CNTROB: variants seen among roughly 807,000 people sequenced by gnomAD.
The protein encoded by CNTROB is centrobin, centriole duplication and spindle assembly protein.
In CNTROB, 82 loss-of-function variants were observed where a neutral mutation model predicts 115.7. That is an observed-to-expected ratio of 0.71 (90% confidence interval 0.59 to 0.85). The LOEUF (loss-of-function observed/expected upper bound fraction) is 0.85, where lower values mean the gene tolerates loss of function less well. Ranked by LOEUF, CNTROB falls within the 40% of genes least tolerant of loss-of-function variation. The pLI is 0.00. For missense variants in CNTROB, 1,014 were observed against 1,144.4 expected (o/e 0.89, Z 1.64); for synonymous variants, 439 against 456.4 (o/e 0.96, Z 0.49).
intron 13 of CNTROB, among the ~76,000 whole-genome samples, chr17:7,946,882 A>T (rs535951693): frequency 6.6e-6 from 1 of 151,820 alleles, no homozygotes; most frequent in Non-Finnish European, 1.5e-5. Context: ...AAAAAAAAAA[A>T]AGAGATTACA....
Position 7,933,033 on chromosome 17 carries a change from G to A in CNTROB, c.-47G>A. 6.3e-7 allele frequency: 1 copy of A among 1,586,786 alleles called. No individual in the cohort carries two copies. On this transcript the variant is annotated 5_prime_UTR_variant, in exon 1 of 19. Transcript: ENST00000563694. ...TTTCCTCCTGGACTTTGCTAAAGCA[G>A]AACCTCCCAGCTCTTTGCTGTCTCC...
At chr17:7,938,766 G>A (rs1419893673) in intron 7 of CNTROB, among the ~76,000 whole-genome samples, 4 of 152,050 alleles carry the variant, frequency 2.6e-5, no homozygotes, top group Non-Finnish European at 5.9e-5. Context: ...ATAATCCTAT[G>A]AGCTTGTCAA....
At position 7,949,492 on chromosome 17, in the gene CNTROB, G is replaced by T. The variant is rs185320189; in HGVS notation, c.2694G>T (p.Arg898=). ...CTGCCCCGAGTAGCATGAGGAGCCG[G>T]GGGGGAGTCTGGAGATGAGCCCCCC... The part of the protein sequence containing the change: ...GHPAPSSMRS[R]GGVWR The change falls in exon 19 of 19, where the codon CGG becomes CGT. Residue 898 remains arginine (R), a synonymous_variant. Transcript: ENST00000563694. The T allele has an allele frequency of 6.8e-5, 110 of 1,613,590 alleles. 2 individuals are homozygous for T. The East Asian group carries it at 2.1e-3, about 31-fold the overall frequency.
intron 9 of CNTROB, among the ~76,000 whole-genome samples, chr17:7,940,937 G>A (rs980017888): frequency 1.3e-5 from 2 of 152,188 alleles, no homozygotes; most frequent in Non-Finnish European, 2.9e-5. Context: ...TTATACCACA[G>A]AAGTAGCTAT....
chr17:7,936,577 C>G, intron 5 of CNTROB, 95 bp downstream of exon 5: 2 of 793,770 alleles, frequency 2.5e-6, no homozygotes, highest in Non-Finnish European at 4.6e-6. Flanking sequence ...TTGGTACATG[C>G]TGAGAGCTGG....
rs758725792 is a variant in CNTROB, at chr17:7,947,681, C to T, written c.2104C>T (p.Pro702Ser). 3.1e-6 allele frequency: 5 copies of T among 1,613,574 alleles called. No homozygotes were observed. The highest frequency in any genetic ancestry group is 1.7e-4 in the Middle Eastern group (1 of 6,060). Residue 702 changes from proline to serine, a missense_variant, in exon 14 of 19, where the codon CCG (proline) becomes TCG (serine). By Grantham distance (74) the Pro-to-Ser change is moderately conservative. Coordinates refer to ENST00000563694, the MANE Select transcript of CNTROB (RefSeq NM_053051.5). ...GGAGGGCCTCCTAAAGCAAGGGCTG[C>T]CGCCTGCTCAGCTGGAGGGCCTCAA... ...DGEGLLKQGL[P>S]PAQLEGLKNF... is the part of the protein sequence containing the mutation.
rs754756098 is a variant in CNTROB at position 7,944,597 on chromosome 17, A to G, written c.1693A>G (p.Asn565Asp). ...GCTGCAGGCCCACTGGGATGAGGCC[A>G]ACCAGCTGCTCAGCACCACTCTCCC... The part of the protein sequence containing the change: ...AMLQAHWDEA[N>D]QLLSTTLPPP... The change falls in exon 12 of 19, where the codon AAC (asparagine) becomes GAC (aspartate). Residue 565 changes from asparagine (N) to aspartate (D), a missense_variant. Coordinates refer to ENST00000563694, the MANE Select transcript of CNTROB (RefSeq NM_053051.5). This position sits in a 1 kb window ranked among gnomAD's most constrained non-coding sequence, Gnocchi z 4.0. 9.3e-6 allele frequency: 15 copies of G among 1,613,904 alleles called. No homozygotes were observed. The highest frequency in any genetic ancestry group is 1.2e-5 in the Non-Finnish European group (14 of 1,179,950).
rs559631034 is a variant in CNTROB, at chr17:7,938,252, G to A, written c.927+990G>A. 4.6e-5 allele frequency among the ~76,000 whole-genome samples: 7 copies of A among 152,196 alleles called. No homozygotes were observed. The South Asian group carries it at 6.2e-4, about 14-fold the overall frequency. On this transcript the variant is annotated intron_variant, in intron 7 of 18. Coordinates refer to ENST00000563694, the MANE Select transcript of CNTROB (RefSeq NM_053051.5). ...ACTCCTGACCTCAAGTGATCTGCCCGCCTTGGCCTCCCAAAGTGCTGGGAT... is the reference window on the plus strand; with the variant it reads ...ACTCCTGACCTCAAGTGATCTGCCCACCTTGGCCTCCCAAAGTGCTGGGAT...
rs36064728 is a variant in CNTROB, at chr17:7,937,174, G to T, written c.839G>T (p.Arg280Leu). Reference sequence around the variant, plus strand: ...CTCTCTTCCTGAAAGACAGTAACCCGCCTGGAACAAAGCCTTTCTGAGGCC... The same window carrying T: ...CTCTCTTCCTGAAAGACAGTAACCCTCCTGGAACAAAGCCTTTCTGAGGCC... Reference protein sequence around the residue: ...TRSKQQETVTRLEQSLSEAME... With the variant: ...TRSKQQETVTLLEQSLSEAME... Residue 280 changes from arginine (R) to leucine (L), a missense_variant, in exon 7 of 19, where the codon CGC becomes CTC. Transcript: ENST00000563694. The T allele has an allele frequency of 1.2e-6, 2 of 1,614,054 alleles. No individual in the cohort carries two copies. Among genetic ancestry groups the T allele is most frequent in the South Asian group, 1.1e-5 (1 of 91,076 alleles).
chr17:7,932,955 G>A lies in CNTROB; in HGVS notation c.-125G>A, dbSNP rs912109660. On this transcript the variant is annotated 5_prime_UTR_variant, in exon 1 of 19. Transcript: ENST00000563694. ...AGCCTCGATATCCTTAATTCACCAA[G>A]GATCCTTGGCGTGGAGTCTTCCTCC... The A allele has an allele frequency of 1.9e-6, 2 of 1,070,232 alleles. No homozygotes were observed. The highest frequency in any genetic ancestry group is 3.2e-5 in the African/African-American group (2 of 62,992). The allele number at this position is 1,070,232 out of a possible 1,614,324, so 66.3% of individuals were successfully genotyped here.
Position 7,936,751 on chromosome 17 carries a change from A to G in CNTROB, c.762A>G (p.Thr254=). 1 of 1,574,424 alleles carries G rather than the reference A, an allele frequency of 6.4e-7. No homozygotes were observed. Among genetic ancestry groups the G allele is most frequent in the Non-Finnish European group, 8.7e-7 (1 of 1,143,586 alleles). The stretch of plus-strand genomic sequence containing the variant: ...GGAACCGGCATGAGGCTGAGCGGAC[A>G]GAGGTTCTCAGGGGACTTCAAGAGG... The part of the protein sequence containing the change: ...EGWNRHEAER[T]EVLRGLQEEH... The change falls in exon 6 of 19, where the codon ACA becomes ACG. Residue 254 remains threonine (T), a synonymous_variant. Transcript: ENST00000563694.
rs1439264791 is a variant in CNTROB at position 7,944,613 on chromosome 17, C to A, written c.1709C>A (p.Thr570Asn). 2.5e-6 allele frequency: 4 copies of A among 1,611,912 alleles called. 1 individual carries two copies. The South Asian group carries it at 4.4e-5, about 18-fold the overall frequency. ...GATGAGGCCAACCAGCTGCTCAGCA[C>A]CACTCTCCCGCCGCCCAACCCTCCA... is the stretch of plus-strand genomic sequence containing the variant. ...HWDEANQLLS[T>N]TLPPPNPPAP... The change falls in exon 12 of 19, where the codon ACC becomes AAC. Residue 570 changes from threonine (T) to asparagine (N), a missense_variant. Thr to Asn is a moderately conservative substitution (Grantham distance 65). Transcript: ENST00000563694. The surrounding 1 kb of genome is among the most constrained non-coding windows in gnomAD (Gnocchi z 4.0).
intron 7 of CNTROB, among the ~76,000 whole-genome samples, chr17:7,937,733 G>A (rs1025019003): frequency 6.6e-6 from 1 of 152,086 alleles, no homozygotes; most frequent in African/African-American, 2.4e-5. Context: ...AACCCAGCAG[G>A]CAGAGGTTGC....
In CNTROB at chr17:7,943,458, C is replaced by T. The variant is rs1332942857; in HGVS notation, c.1379C>T (p.Thr460Ile). ...GCTGTGCAGCTGGAGCAGCGGGTGA[C>T]AGAGCGGCTGGCGCAGGCTCAGGAG... is the stretch of plus-strand genomic sequence containing the variant. ...ELAVQLEQRV[T>I]ERLAQAQESS... is the part of the protein sequence containing the mutation. Residue 460 changes from threonine to isoleucine, a missense_variant, in exon 10 of 19, where the codon ACA becomes ATA. By Grantham distance (89) the Thr-to-Ile change is moderately conservative. Transcript: ENST00000563694. The surrounding 1 kb of genome is among the most constrained non-coding windows in gnomAD (Gnocchi z 4.7). 1.2e-6 allele frequency: 2 copies of T among 1,613,818 alleles called. No homozygotes were observed. Among genetic ancestry groups the T allele is most frequent in the South Asian group, 2.2e-5 (2 of 91,036 alleles).
At chr17:7,938,725 C>G (rs1312668322) in intron 7 of CNTROB, among the ~76,000 whole-genome samples, 1 of 152,210 alleles carries the variant, frequency 6.6e-6, no homozygotes, top group African/African-American at 2.4e-5. Flanking sequence ...GTCTACCTGG[C>G]TCTGGAACAG....
chr17:7,937,258 C>A lies in CNTROB; in HGVS notation c.923C>A (p.Thr308Lys), dbSNP rs746791977. 6 of 1,613,902 alleles carry A rather than the reference C, an allele frequency of 3.7e-6. No individual in the cohort carries two copies. The African/African-American group carries it at 8.0e-5, about 22-fold the overall frequency. ...SARLQQRERE[T>K]LEEERQALTL... ...AGACTGCAGCAACGGGAAAGAGAGA[C>A]ACTGGTGAGAAGATTGGACTGGGTT... The change falls in exon 7 of 19, where the codon ACA (threonine) becomes AAA (lysine). Residue 308 changes from threonine (T) to lysine (K), a missense_variant. Thr to Lys is a moderately conservative substitution (Grantham distance 78). Coordinates refer to ENST00000563694, the MANE Select transcript of CNTROB (RefSeq NM_053051.5).
rs954432236 is a variant in CNTROB, at chr17:7,944,754, T to A, written c.1734+116T>A. ...GTGTACTGGTGAGATCATAGCTCATTGCAGCCTCGAACTCCTGGGCTCAAG... is the reference window on the plus strand; with the variant it reads ...GTGTACTGGTGAGATCATAGCTCATAGCAGCCTCGAACTCCTGGGCTCAAG... On this transcript the variant is annotated intron_variant, in intron 12 of 18. Coordinates refer to ENST00000563694, the MANE Select transcript of CNTROB (RefSeq NM_053051.5). The surrounding 1 kb of genome is among the most constrained non-coding windows in gnomAD (Gnocchi z 4.0). 4.0e-6 allele frequency: 5 copies of A among 1,251,264 alleles called. No homozygotes were observed. The highest frequency in any genetic ancestry group is 1.5e-5 in the African/African-American group (1 of 66,258). The allele number at this position is 1,251,264 out of a possible 1,614,324, so 77.5% of individuals were successfully genotyped here.
chr17:7,932,937 A>G lies in CNTROB; in HGVS notation c.-143A>G. Reference sequence around the variant, plus strand: ...CCTTTCCTCTAACCAGAAAGCCTCGATATCCTTAATTCACCAAGGATCCTT... The same window carrying G: ...CCTTTCCTCTAACCAGAAAGCCTCGGTATCCTTAATTCACCAAGGATCCTT... On this transcript the variant is annotated 5_prime_UTR_variant, in exon 1 of 19. Coordinates refer to ENST00000563694, the MANE Select transcript of CNTROB (RefSeq NM_053051.5). 1.1e-6 allele frequency: 1 copy of G among 913,096 alleles called. No individual in the cohort carries two copies. Among genetic ancestry groups the G allele is most frequent in the South Asian group, 1.7e-5 (1 of 60,262 alleles). The allele number at this position is 913,096 out of a possible 1,614,324, so 56.6% of individuals were successfully genotyped here.
At position 7,948,267 on chromosome 17, in the gene CNTROB, C is replaced by T; in HGVS notation, c.2320C>T (p.Pro774Ser). The change falls in exon 16 of 19, where the codon CCT becomes TCT. Residue 774 changes from proline to serine, a missense_variant. Transcript: ENST00000563694. The surrounding 1 kb of genome is among the most constrained non-coding windows in gnomAD (Gnocchi z 4.4). ...CATGGCATCCAGTCTTTTCCGGGTC[C>T]CTGAGCCTCCCTCCTCCCATTCACA... The part of the protein sequence containing the change: ...LAMASSLFRV[P>S]EPPSSHSQGS... 6.2e-7 allele frequency: 1 copy of T among 1,614,106 alleles called. No individual in the cohort carries two copies. The highest frequency in any genetic ancestry group is 1.1e-5 in the South Asian group (1 of 91,078).
Sources: allele counts gnomAD v4.1 joint callset (sites outside exome capture counted in the v4.1 genomes callset), GRCh38; gene constraint gnomAD v4.1.1; non-coding constraint Gnocchi (gnomAD v3.1); transcripts MANE v1.5; gene names NCBI Gene and HGNC (gene_info 2026-07-23, HGNC 2026-07-21).